The following SDK1 variants were observed in gnomAD, a reference collection of about 807,000 sequenced individuals.
The protein encoded by SDK1 is protein sidekick-1.
SDK1 carries 157 observed loss-of-function variants against 245.5 expected under a neutral mutation model. The ratio of observed to expected loss-of-function variants is 0.64; its 90% CI spans 0.56 to 0.73. The LOEUF is 0.73. SDK1 is among the 30% of genes least tolerant of loss of function. SDK1 has a pLI of 0.00. For synonymous variants in SDK1, 1,647 were observed against 1,278.5 expected, an observed-to-expected ratio of 1.29 and a Z score of -6.15; for missense variants, 3,583 against 3,002.3, an observed-to-expected ratio of 1.19 and a Z score of -4.52.
chr7:4,127,527 T>C, intron 26 of SDK1, 31 bp downstream of exon 26: 1 of 1,516,826 alleles, frequency 6.6e-7, no homozygotes, highest in South Asian at 1.1e-5. Flanking sequence ...CTCCCTTTGC[T>C]TAAAGAGTGG....
At chr7:3,787,849 G>A (rs1313715121) in intron 4 of SDK1, among the ~76,000 whole-genome samples, 10 of 152,302 alleles carry the variant, frequency 6.6e-5, no homozygotes, top group African/African-American at 2.2e-4. Flanking sequence ...AACATAAGAC[G>A]TGGTTTCATT....
chr7:4,265,241 C>T lies in SDK1; in HGVS notation c.6499C>T (p.Pro2167Ser), dbSNP rs148509130. 1.2e-6 allele frequency: 2 copies of T among 1,607,154 alleles called. No homozygotes were observed. The highest frequency in any genetic ancestry group is 1.3e-5 in the African/African-American group (1 of 74,902). The change falls in exon 45 of 45, where the codon CCG becomes TCG. Residue 2167 changes from proline (P) to serine (S), a missense_variant. Pro to Ser is a moderately conservative substitution (Grantham distance 74). Coordinates refer to ENST00000404826, the MANE Select transcript of SDK1 (RefSeq NM_152744.4). ...CAGGGCCCAGGGCCGCGCACCTGCG[C>T]CGCACAGGTACGAGGCGGTGGCGGG... ...KRRAQGRAPA[P>S]HRYEAVAGSE...
intron 8 of SDK1, 35 bp downstream of exon 8, chr7:3,959,049 G>T: frequency 6.7e-7 from 1 of 1,503,610 alleles, no homozygotes; most frequent in South Asian, 1.1e-5. Flanking sequence ...AAGGAGCCAT[G>T]ACTGGGAGGA....
chr7:3,501,212 G>T (rs762476170), intron 1 of SDK1, among the ~76,000 whole-genome samples: 2 of 152,064 alleles, frequency 1.3e-5, no homozygotes, highest in Non-Finnish European at 2.9e-5. Context: ...ACTTTTGTCA[G>T]TATCTTTTCT....
chr7:3,673,252 G>T (rs1783778143), intron 4 of SDK1, among the ~76,000 whole-genome samples: 1 of 152,162 alleles, frequency 6.6e-6, no homozygotes, highest in South Asian at 2.1e-4. Flanking sequence ...CCAGAATGAA[G>T]CATTGCAGGA....
intron 1 of SDK1, among the ~76,000 whole-genome samples, chr7:3,579,146 A>G (rs573763725): frequency 1.3e-5 from 2 of 152,154 alleles, no homozygotes; most frequent in African/African-American, 2.4e-5. Context: ...AACTATTCCA[A>G]TAAATTGAGG....
chr7:4,067,122 C>T (rs556448893), intron 19 of SDK1, among the ~76,000 whole-genome samples: 1 of 152,140 alleles, frequency 6.6e-6, no homozygotes, highest in Non-Finnish European at 1.5e-5. Flanking sequence ...TTTATTTTCC[C>T]TGCTTCACAC....
intron 1 of SDK1, among the ~76,000 whole-genome samples, chr7:3,511,823 A>T (rs1372275220): frequency 6.7e-6 from 1 of 149,938 alleles, no homozygotes; most frequent in Non-Finnish European, 1.5e-5. Context: ...TTTTAGAGCA[A>T]TTTTAGGTTC....
intron 1 of SDK1, among the ~76,000 whole-genome samples, chr7:3,321,849 C>T (rs1319171852): frequency 6.9e-6 from 1 of 143,994 alleles, no homozygotes; most frequent in Non-Finnish European, 1.5e-5. Flanking sequence ...CTCTCTCTCT[C>T]TCTCTTTCTC....
At chr7:3,712,932 TC>T (rs1459177852) in intron 4 of SDK1, among the ~76,000 whole-genome samples, 1 of 152,216 alleles carries the variant, frequency 6.6e-6, no homozygotes, top group Non-Finnish European at 1.5e-5. Context: ...AGTGCACTGT[TC>T]CCTGAAAGCT....
At chr7:3,601,512 T>A (rs1411420376) in intron 1 of SDK1, among the ~76,000 whole-genome samples, 1 of 152,094 alleles carries the variant, frequency 6.6e-6, no homozygotes, top group Non-Finnish European at 1.5e-5. Context: ...AGCTTAAAGT[T>A]GTTCATAGTA....
At chr7:3,355,786 A>T (rs532642611) in intron 1 of SDK1, among the ~76,000 whole-genome samples, 2 of 152,290 alleles carry the variant, frequency 1.3e-5, no homozygotes, top group Non-Finnish European at 2.9e-5. Flanking sequence ...TTACCCATTT[A>T]ATCTGCTATT....
chr7:3,983,628 A>C (rs1158378753), intron 13 of SDK1, among the ~76,000 whole-genome samples: 1 of 152,246 alleles, frequency 6.6e-6, no homozygotes, highest in Non-Finnish European at 1.5e-5. Flanking sequence ...TATTCACTTC[A>C]TTGTGGTGGT....
chr7:3,322,261 G>A (rs550370860), intron 1 of SDK1, among the ~76,000 whole-genome samples: 1 of 152,234 alleles, frequency 6.6e-6, no homozygotes, highest in South Asian at 2.1e-4. Context: ...GTGTCTGGCT[G>A]CTTTTGCCTG....
chr7:4,085,325 C>A (rs185623424), intron 22 of SDK1, among the ~76,000 whole-genome samples: 2 of 152,130 alleles, frequency 1.3e-5, no homozygotes, highest in Admixed American at 6.5e-5. Flanking sequence ...ATGTGTTATA[C>A]CATGGAAGTG....
At chr7:3,833,314 G>A (rs995754136) in intron 5 of SDK1, among the ~76,000 whole-genome samples, 31 of 152,142 alleles carry the variant, frequency 2.0e-4, no homozygotes, top group African/African-American at 7.0e-4. Flanking sequence ...TTGTTGAGGT[G>A]TGTCCCATCT....
intron 14 of SDK1, among the ~76,000 whole-genome samples, chr7:3,989,285 G>T (rs1784112068): frequency 6.6e-6 from 1 of 152,170 alleles, no homozygotes; most frequent in African/African-American, 2.4e-5. Flanking sequence ...AGCTTGTGCA[G>T]GAAAACTCCC....
At chr7:3,737,513 G>T (rs899317007) in intron 4 of SDK1, among the ~76,000 whole-genome samples, 1 of 152,240 alleles carries the variant, frequency 6.6e-6, no homozygotes, top group African/African-American at 2.4e-5. Flanking sequence ...GCTGGCTGGG[G>T]ACTGATGGTG....
intron 1 of SDK1, among the ~76,000 whole-genome samples, chr7:3,311,021 G>T (rs1186389493): frequency 2.0e-5 from 3 of 152,226 alleles, no homozygotes; most frequent in Admixed American, 6.5e-5. Flanking sequence ...ATTCTTTTGT[G>T]TAGAGGAATC....
Sources: gnomAD v4.1 joint callset for allele counts (sites outside exome capture counted in the v4.1 genomes callset) on GRCh38, gnomAD v4.1.1 for gene constraint, MANE v1.5 for transcripts, NCBI Gene and HGNC (gene_info 2026-07-23, HGNC 2026-07-21) for gene names.